Variants in SLC17A6 observed in about 807,000 individuals in gnomAD.
SLC17A6 encodes the protein vesicular glutamate transporter 2.
SLC17A6 carries 35 observed loss-of-function variants against 67.1 expected under a neutral mutation model. That is an observed-to-expected ratio of 0.52 (90% CI 0.40 to 0.69). SLC17A6 has a LOEUF of 0.69. SLC17A6 is among the 30% of genes least tolerant of loss of function. The probability of loss-of-function intolerance (pLI) is 0.00; values close to 1 mark genes in which losing one functional copy is unlikely to be tolerated. For synonymous variants in SLC17A6, 285 were observed against 252.3 expected (o/e 1.13, Z -1.23); for missense variants, 588 against 723.9 (o/e 0.81, Z 2.15).
chr11:22,368,265 T>C (rs1351944074), intron 7 of SLC17A6, among the ~76,000 whole-genome samples: 1 of 152,056 alleles, frequency 6.6e-6, no homozygotes, highest in African/African-American at 2.4e-5. Flanking sequence ...ATCTAACCTA[T>C]ATTCAAATTT....
chr11:22,352,262 T>C (rs1855948753), intron 3 of SLC17A6, among the ~76,000 whole-genome samples: 1 of 152,200 alleles, frequency 6.6e-6, no homozygotes, highest in Non-Finnish European at 1.5e-5. Flanking sequence ...GGTCATGTAC[T>C]TGAACTCAGC....
chr11:22,370,007 T>C, intron 7 of SLC17A6, 32 bp from the exon 8 acceptor site: 1 of 1,591,170 alleles, frequency 6.3e-7, no homozygotes, highest in East Asian at 2.2e-5. Context: ...ATATTTAAAA[T>C]GGTCATAATG....
At chr11:22,371,900 C>T (rs566215327) in intron 8 of SLC17A6, among the ~76,000 whole-genome samples, 1 of 152,014 alleles carries the variant, frequency 6.6e-6, no homozygotes, top group Admixed American at 6.6e-5. Flanking sequence ...AGGGAATTTG[C>T]TTTGGGTCTA....
chr11:22,362,780 A>G lies in SLC17A6; in HGVS notation c.703A>G (p.Ile235Val). ...GAVIAMPLAG[I>V]LVQYTGWSSV... is the part of the protein sequence containing the mutation. ...TGTGATTGCAATGCCTTTAGCTGGC[A>G]TTCTTGTGCAGTACACTGGCTGGTC... is the stretch of plus-strand genomic sequence containing the variant. The change falls in exon 6 of 12, where the codon ATT becomes GTT. Residue 235 changes from isoleucine to valine, a missense_variant. Around this residue, in one of 4 missense-constraint regions of SLC17A6, gnomAD observed 414 missense variants for 563.4 expected, o/e 0.73. Coordinates refer to ENST00000263160, the MANE Select transcript of SLC17A6 (RefSeq NM_020346.3). 6.2e-7 allele frequency: 1 copy of G among 1,613,864 alleles called. No homozygotes were observed. Among genetic ancestry groups the G allele is most frequent in the Middle Eastern group, 1.7e-4 (1 of 6,056 alleles).
At chr11:22,339,869 A>T (rs1468500319) in intron 1 of SLC17A6, among the ~76,000 whole-genome samples, 1 of 151,914 alleles carries the variant, frequency 6.6e-6, no homozygotes, top group African/African-American at 2.4e-5. Context: ...GCAGAGCTCA[A>T]CTTCGTATAT....
At chr11:22,363,954 A>G (rs1477128380) in intron 6 of SLC17A6, among the ~76,000 whole-genome samples, 1 of 152,176 alleles carries the variant, frequency 6.6e-6, no homozygotes, top group Non-Finnish European at 1.5e-5. Context: ...TTTGTCCATT[A>G]CTTAAGTGAA....
chr11:22,373,025 T>A (rs1044889726), intron 8 of SLC17A6, among the ~76,000 whole-genome samples: 8 of 152,170 alleles, frequency 5.3e-5, no homozygotes, highest in African/African-American at 1.7e-4. Flanking sequence ...AAAACTTATC[T>A]CATTAACCCT....
chr11:22,360,525 T>C (rs1856040710), intron 4 of SLC17A6, among the ~76,000 whole-genome samples: 1 of 117,832 alleles, frequency 8.5e-6, no homozygotes, highest in African/African-American at 3.0e-5. Flanking sequence ...CCCGCTCTCC[T>C]TCCCCCCCCC....
intron 3 of SLC17A6, among the ~76,000 whole-genome samples, chr11:22,358,866 G>A (rs1856018487): frequency 6.6e-6 from 1 of 152,128 alleles, no homozygotes; most frequent in Non-Finnish European, 1.5e-5. Context: ...AGACTTCTTG[G>A]TTCATTTAAA....
At position 22,352,058 on chromosome 11, in the gene SLC17A6, G is replaced by A. The variant is rs117618147; in HGVS notation, c.459-7355G>A. Among the ~76,000 whole-genome samples the A allele has an allele frequency of 6.4e-3, 924 of 145,282 alleles. 41 individuals carry two copies. The East Asian group carries it at 0.14, about 22-fold the overall frequency. On this transcript the variant is annotated intron_variant, in intron 3 of 11. Coordinates refer to ENST00000263160, the MANE Select transcript of SLC17A6 (RefSeq NM_020346.3). ...ATATTAAGTATTAATGAATGGTGAG[G>A]TTCTTTAAGAGGACACCTTATCGCC...
At position 22,359,867 on chromosome 11, in the gene SLC17A6, G is replaced by A. The variant is rs79458348; in HGVS notation, c.573+340G>A. Among the ~76,000 whole-genome samples the A allele has an allele frequency of 8.5e-3, 1,287 of 152,148 alleles. 17 individuals are homozygous for A. Among genetic ancestry groups the A allele is most frequent in the African/African-American group, 0.029 (1,213 of 41,510 alleles). Reference sequence around the variant, plus strand: ...CTTTGCTGGTGATAACCATGAATTAGTATCTTGGGAGTTTTATACTAAGTA... The same window carrying A: ...CTTTGCTGGTGATAACCATGAATTAATATCTTGGGAGTTTTATACTAAGTA... On this transcript the variant is annotated intron_variant, in intron 4 of 11. Transcript: ENST00000263160.
chr11:22,354,780 A>G (rs1405806869), intron 3 of SLC17A6, among the ~76,000 whole-genome samples: 1 of 152,198 alleles, frequency 6.6e-6, no homozygotes, highest in Non-Finnish European at 1.5e-5. Flanking sequence ...ACTCACTCGG[A>G]CATGGTTACA....
In SLC17A6 at chr11:22,377,446, A is replaced by G. The variant is rs533580523; in HGVS notation, c.1455A>G (p.Leu485=). ...EWQYVFLIAA[L]VHYGGVIFYA... ...AGTATGTCTTCCTGATCGCTGCCCT[A>G]GTCCACTATGGTGGAGTTATATTTT... Residue 485 remains leucine, a synonymous_variant, in exon 12 of 12, where the codon CTA becomes CTG. Coordinates refer to ENST00000263160, the MANE Select transcript of SLC17A6 (RefSeq NM_020346.3). 1.2e-6 allele frequency: 2 copies of G among 1,613,758 alleles called. No homozygotes were observed. Among genetic ancestry groups the G allele is most frequent in the East Asian group, 2.2e-5 (1 of 44,882 alleles).
At chr11:22,345,765 G>T (rs1304304593) in intron 3 of SLC17A6, among the ~76,000 whole-genome samples, 1 of 151,970 alleles carries the variant, frequency 6.6e-6, no homozygotes, top group Non-Finnish European at 1.5e-5. Flanking sequence ...TGTGAAAATG[G>T]TTTTTAAACA....
At chr11:22,343,578 G>A (rs1855843772) in intron 3 of SLC17A6, among the ~76,000 whole-genome samples, 1 of 152,162 alleles carries the variant, frequency 6.6e-6, no homozygotes, top group Non-Finnish European at 1.5e-5. Flanking sequence ...TGGGACCAGC[G>A]CACGCGGCCT....
intron 3 of SLC17A6, among the ~76,000 whole-genome samples, chr11:22,351,432 A>G (rs1239543244): frequency 6.6e-6 from 1 of 152,006 alleles, no homozygotes; most frequent in Non-Finnish European, 1.5e-5. Context: ...CAGTGCCTAT[A>G]ATTTCTATGT....
chr11:22,345,215 A>T (rs1478304668), intron 3 of SLC17A6, among the ~76,000 whole-genome samples: 1 of 149,234 alleles, frequency 6.7e-6, no homozygotes, highest in East Asian at 1.9e-4. Context: ...TATTTAAATA[A>T]AAAAAAAAAG....
chr11:22,354,777 C>T (rs186264298), intron 3 of SLC17A6, among the ~76,000 whole-genome samples: 22 of 152,278 alleles, frequency 1.4e-4, no homozygotes, highest in Admixed American at 4.6e-4. Flanking sequence ...TTTACTCACT[C>T]GGACATGGTT....
intron 8 of SLC17A6, among the ~76,000 whole-genome samples, chr11:22,371,180 T>A (rs996016120): frequency 6.6e-6 from 1 of 152,122 alleles, no homozygotes; most frequent in African/African-American, 2.4e-5. Context: ...TTAGTGAGTA[T>A]CTGCTCAATG....
Sources: allele counts gnomAD v4.1 joint callset (sites outside exome capture counted in the v4.1 genomes callset), GRCh38; gene constraint gnomAD v4.1.1; regional missense constraint gnomAD v4.1.1; transcripts MANE v1.5; gene names NCBI Gene and HGNC (gene_info 2026-07-23, HGNC 2026-07-21).